Variants in DCHS2 observed in about 807,000 individuals in gnomAD.
The protein encoded by DCHS2 is dachsous cadherin-related 2.
A neutral mutation model predicts 182.4 loss-of-function variants in DCHS2; 142 were observed. The ratio of observed to expected loss-of-function variants is 0.78; its 90% CI spans 0.68 to 0.89. The LOEUF is 0.89. DCHS2 is among the 40% of genes least tolerant of loss of function. The pLI is 0.00. For missense variants in DCHS2, 4,319 were observed against 4,198.6 expected (o/e 1.03, Z -0.79); for synonymous variants, 1,740 against 1,663.3 (o/e 1.05, Z -1.12).
At chr4:154,402,148 C>T (rs1012225753) in intron 1 of DCHS2, among the ~76,000 whole-genome samples, 23 of 152,168 alleles carry the variant, frequency 1.5e-4, no homozygotes, top group Non-Finnish European at 2.6e-4. Context: ...ATTGAAAAGA[C>T]TTTCTTTTTA....
intron 10 of DCHS2, among the ~76,000 whole-genome samples, chr4:154,309,481 C>T (rs1735588121): frequency 6.6e-6 from 1 of 152,184 alleles, no homozygotes; most frequent in Admixed American, 6.5e-5. Context: ...ATAATCCAAA[C>T]ATCTTCTTCT....
At chr4:154,269,764 A>G (rs1196712173) in intron 14 of DCHS2, 136 bp downstream of exon 14, 14 of 927,810 alleles carry the variant, frequency 1.5e-5, no homozygotes, top group Admixed American at 3.6e-5. Context: ...ATAATTTTTC[A>G]TAGGCTAGCT....
chr4:154,422,692 C>T (rs984587746), intron 1 of DCHS2, among the ~76,000 whole-genome samples: 4 of 152,206 alleles, frequency 2.6e-5, no homozygotes, highest in African/African-American at 9.7e-5. Context: ...GGCCTTGCTG[C>T]CTCACCAGGC....
intron 1 of DCHS2, among the ~76,000 whole-genome samples, chr4:154,414,094 A>G (rs1302497910): frequency 6.6e-6 from 1 of 151,938 alleles, no homozygotes; most frequent in Non-Finnish European, 1.5e-5. Context: ...CTTATTCACC[A>G]CTATCTCCTC....
chr4:154,327,642 C>A (rs1281385427), intron 7 of DCHS2, among the ~76,000 whole-genome samples: 1 of 152,088 alleles, frequency 6.6e-6, no homozygotes, highest in Non-Finnish European at 1.5e-5. Flanking sequence ...AATAAAATTT[C>A]CCCATACACA....
intron 13 of DCHS2, among the ~76,000 whole-genome samples, chr4:154,290,193 T>C (rs1734589082): frequency 6.6e-6 from 1 of 152,018 alleles, no homozygotes; most frequent in Non-Finnish European, 1.5e-5. Flanking sequence ...TCATTTACAA[T>C]AGCTACAAAT....
chr4:154,384,421 C>T (rs374623847), intron 1 of DCHS2: 129 of 1,613,088 alleles, frequency 8.0e-5, no homozygotes, highest in Non-Finnish European at 1.0e-4. Context: ...AACACTATAG[C>T]ACCCCAGAGC....
chr4:154,384,053 G>GA (rs981311080), intron 1 of DCHS2, among the ~76,000 whole-genome samples: 1 of 152,120 alleles, frequency 6.6e-6, no homozygotes, highest in Non-Finnish European at 1.5e-5. Flanking sequence ...TAGAAAAGAA[G>GA]AAAAAAATCA....
intron 16 of DCHS2, among the ~76,000 whole-genome samples, chr4:154,253,312 G>A (rs1732480482): frequency 6.6e-6 from 1 of 152,128 alleles, no homozygotes; most frequent in African/African-American, 2.4e-5. Flanking sequence ...GGCAATGGGA[G>A]AGAGTCATTT....
intron 1 of DCHS2, among the ~76,000 whole-genome samples, chr4:154,378,536 G>GGAAGGAAGGAAGGAAA (rs1731027415): frequency 1.3e-5 from 2 of 148,594 alleles, no homozygotes; most frequent in East Asian, 2.0e-4. Context: ...AAGGAAGGAA[G>GGAAGGAAGGAAGGAAA]GAAGGAAGGA....
At chr4:154,338,141 C>T (rs1046538622) in intron 3 of DCHS2, among the ~76,000 whole-genome samples, 12 of 152,214 alleles carry the variant, frequency 7.9e-5, no homozygotes, top group African/African-American at 2.7e-4. Flanking sequence ...CCGCAGCAGC[C>T]TGGGTACATG....
chr4:154,374,673 A>T (rs928889154), intron 2 of DCHS2, among the ~76,000 whole-genome samples: 3 of 152,108 alleles, frequency 2.0e-5, no homozygotes, highest in Admixed American at 6.6e-5. Context: ...ATATATTTAG[A>T]CTCATTTTTT....
intron 5 of DCHS2, chr4:154,331,543 T>A (rs563571234): frequency 1.3e-6 from 2 of 1,569,430 alleles, no homozygotes; most frequent in African/African-American, 2.7e-5. Flanking sequence ...TGGCAAGCCA[T>A]GTGCCCTGTG....
chr4:154,491,058 C>T lies in DCHS2; in HGVS notation c.298G>A (p.Gly100Ser), dbSNP rs1239988357. The change falls in exon 1 of 20, where the codon GGC (glycine) becomes AGC (serine). Residue 100 changes from glycine to serine, a missense_variant. Coordinates refer to ENST00000357232, the MANE Select transcript of DCHS2 (RefSeq NM_001358235.2). Reference protein sequence around the residue: ...LPAAQQQEGSGFFLSEDSDDS... With the variant: ...LPAAQQQEGSSFFLSEDSDDS... ...TCGGAGTCCTCCGACAGAAAGAAGC[C>T]GCTCCCCTCCTGCTGCTGCGCGGCC... 2 of 1,551,192 alleles carry T rather than the reference C, an allele frequency of 1.3e-6. No homozygotes were observed. The highest frequency in any genetic ancestry group is 1.7e-4 in the Middle Eastern group (1 of 5,988).
At chr4:154,392,572 C>T (rs1414742512) in intron 1 of DCHS2, among the ~76,000 whole-genome samples, 1 of 152,148 alleles carries the variant, frequency 6.6e-6, no homozygotes, top group Non-Finnish European at 1.5e-5. Flanking sequence ...GCAAAAGGGT[C>T]ATAGTCACAA....
intron 1 of DCHS2, among the ~76,000 whole-genome samples, chr4:154,448,592 C>T (rs1279848247): frequency 1.3e-5 from 2 of 152,210 alleles, no homozygotes; most frequent in Non-Finnish European, 2.9e-5. Flanking sequence ...TGGCTTCACT[C>T]ATGCCCCTGA....
intron 13 of DCHS2, 95 bp from the exon 14 acceptor site, chr4:154,270,108 T>C (rs1733515655): frequency 2.9e-6 from 4 of 1,399,726 alleles, no homozygotes; most frequent in Non-Finnish European, 3.8e-6. Flanking sequence ...TTGCCTACTA[T>C]GTTTTCACTT....
At chr4:154,435,046 T>C (rs1222465457) in intron 1 of DCHS2, among the ~76,000 whole-genome samples, 1 of 152,074 alleles carries the variant, frequency 6.6e-6, no homozygotes, top group African/African-American at 2.4e-5. Context: ...AGAATGGAGT[T>C]CAATCCATAG....
At chr4:154,341,497 T>G (rs1197539355) in intron 3 of DCHS2, among the ~76,000 whole-genome samples, 1 of 152,148 alleles carries the variant, frequency 6.6e-6, no homozygotes, top group Non-Finnish European at 1.5e-5. Flanking sequence ...ATGCCTGTTA[T>G]CATATTCCTC....
Sources: allele counts gnomAD v4.1 joint callset (sites outside exome capture counted in the v4.1 genomes callset), GRCh38; gene constraint gnomAD v4.1.1; transcripts MANE v1.5; gene names NCBI Gene and HGNC (gene_info 2026-07-23, HGNC 2026-07-21).